CFAP61: variants seen among roughly 807,000 people sequenced by gnomAD.
CFAP61 encodes cilia- and flagella-associated protein 61.
In CFAP61, 107 loss-of-function variants were observed where a neutral mutation model predicts 135.6. The ratio of observed to expected loss-of-function variants is 0.79; its 90% CI spans 0.67 to 0.93. The LOEUF (loss-of-function observed/expected upper bound fraction) is 0.93. Among genes scored for constraint, CFAP61 ranks in the 40% least tolerant of loss-of-function variants. The pLI is 0.00. For synonymous variants in CFAP61, 575 were observed against 578.5 expected (o/e 0.99, Z 0.09); for missense variants, 1,507 against 1,556.2 (o/e 0.97, Z 0.53).
At chr20:20,073,240 G>A (rs532597362) in intron 3 of CFAP61, among the ~76,000 whole-genome samples, 1 of 152,350 alleles carries the variant, frequency 6.6e-6, no homozygotes, top group African/African-American at 2.4e-5. Context: ...TGAATACACA[G>A]CAAGTACTTG....
At position 20,192,861 on chromosome 20, in the gene CFAP61, A is replaced by T. The variant is rs528417297; in HGVS notation, c.1590+1442A>T. 2.0e-5 allele frequency among the ~76,000 whole-genome samples: 3 copies of T among 152,242 alleles called. No homozygotes were observed. The East Asian group carries it at 5.8e-4, about 29-fold the overall frequency. On this transcript the variant is annotated intron_variant, in intron 15 of 26. Transcript: ENST00000245957. ...ACTAGTGTTTGTATTTTGATCTTGT[A>T]TTCAATCACCTTTATGAAATATCTT...
chr20:20,314,119 C>T lies in CFAP61; in HGVS notation c.3422+15733C>T, dbSNP rs568792415. ...CAACATGAGAGCGAGTGCAGTGGCTCGTGCCTATAATTCCAGCACTTTGGG... is the reference window on the plus strand; with the variant it reads ...CAACATGAGAGCGAGTGCAGTGGCTTGTGCCTATAATTCCAGCACTTTGGG... On this transcript the variant is annotated intron_variant, in intron 25 of 26. Coordinates refer to ENST00000245957, the MANE Select transcript of CFAP61 (RefSeq NM_015585.4). Among the ~76,000 whole-genome samples the T allele has an allele frequency of 3.3e-5, 5 of 150,552 alleles. No individual in the cohort carries two copies. The East Asian group carries it at 5.9e-4, about 18-fold the overall frequency.
At chr20:20,098,929 C>T in intron 8 of CFAP61, 115 bp downstream of exon 8, 1 of 932,034 alleles carries the variant, frequency 1.1e-6, no homozygotes, top group East Asian at 2.7e-5. Context: ...TTCCCCAGTT[C>T]CCCTTAAGGA....
intron 18 of CFAP61, among the ~76,000 whole-genome samples, chr20:20,238,710 C>T (rs2049785760): frequency 6.6e-6 from 1 of 152,090 alleles, no homozygotes; most frequent in Non-Finnish European, 1.5e-5. Flanking sequence ...GCAATGTGAC[C>T]CTCTTTATTT....
At chr20:20,348,860 A>T (rs1201338840) in intron 26 of CFAP61, among the ~76,000 whole-genome samples, 1 of 151,176 alleles carries the variant, frequency 6.6e-6, no homozygotes, top group Admixed American at 6.6e-5. Context: ...AAGGATGTTT[A>T]TGAAAAACCC....
chr20:20,322,732 G>A (rs6046790), intron 25 of CFAP61: 445,571 of 984,616 alleles, frequency 0.45, 101,437 homozygotes, highest in African/African-American at 0.57. Flanking sequence ...GTGGCCTCTC[G>A]AGAACAGAAG....
At chr20:20,260,938 C>T (rs962841117) in intron 20 of CFAP61, among the ~76,000 whole-genome samples, 1 of 152,172 alleles carries the variant, frequency 6.6e-6, no homozygotes, top group Non-Finnish European at 1.5e-5. Context: ...TCAGACTTTT[C>T]GCCAAAGCCT....
At chr20:20,127,464 C>A (rs1319115438) in intron 8 of CFAP61, among the ~76,000 whole-genome samples, 3 of 151,712 alleles carry the variant, frequency 2.0e-5, no homozygotes, top group African/African-American at 7.3e-5. Context: ...TTCCTGTGAG[C>A]TGAACTACAG....
intron 13 of CFAP61, among the ~76,000 whole-genome samples, chr20:20,182,348 C>T (rs1187521268): frequency 6.6e-6 from 1 of 152,138 alleles, no homozygotes; most frequent in Non-Finnish European, 1.5e-5. Flanking sequence ...GTCTTAAAGT[C>T]ATTGTATTTT....
chr20:20,199,037 T>C (rs905784481), intron 16 of CFAP61, among the ~76,000 whole-genome samples: 1 of 152,216 alleles, frequency 6.6e-6, no homozygotes, highest in Non-Finnish European at 1.5e-5. Context: ...GATCACCATG[T>C]TTGGTTTTCT....
chr20:20,359,139 T>C lies in CFAP61; in HGVS notation c.3514-1071T>C, dbSNP rs1360075838. 6.6e-6 allele frequency among the ~76,000 whole-genome samples: 1 copy of C among 152,176 alleles called. No individual in the cohort carries two copies. The highest frequency in any genetic ancestry group is 1.9e-4 in the East Asian group (1 of 5,194). On this transcript the variant is annotated intron_variant, in intron 26 of 26. Coordinates refer to ENST00000245957, the MANE Select transcript of CFAP61 (RefSeq NM_015585.4). This position sits in a 1 kb window ranked among gnomAD's most constrained non-coding sequence, Gnocchi z 4.0. Reference sequence around the variant, plus strand: ...TTTTTATAATGAAATGTTAGGAAAATCTCTACTACACTGTACCTATGTGCA... The same window carrying C: ...TTTTTATAATGAAATGTTAGGAAAACCTCTACTACACTGTACCTATGTGCA...
chr20:20,056,599 T>C lies in CFAP61; in HGVS notation c.-36-19T>C. The C allele has an allele frequency of 1.9e-6, 3 of 1,571,656 alleles. No individual in the cohort carries two copies. Among genetic ancestry groups the C allele is most frequent in the Non-Finnish European group, 2.6e-6 (3 of 1,148,386 alleles). Reference sequence around the variant, plus strand: ...TGTGTGTATTATAACCAAACTGGCTTATCATATCAGATTAATAGTGGACTT... The same window carrying C: ...TGTGTGTATTATAACCAAACTGGCTCATCATATCAGATTAATAGTGGACTT... On this transcript the variant is annotated intron_variant, in intron 1 of 26. Transcript: ENST00000245957.
intron 18 of CFAP61, among the ~76,000 whole-genome samples, chr20:20,240,426 G>T (rs985781698): frequency 6.6e-6 from 1 of 152,150 alleles, no homozygotes; most frequent in African/African-American, 2.4e-5. Flanking sequence ...CCAGCTCTCA[G>T]TGTTTCCTCC....
intron 20 of CFAP61, chr20:20,253,965 TCCC>T (rs1352659392): frequency 2.8e-5 from 1 of 35,260 alleles, no homozygotes; most frequent in African/African-American, 1.3e-4. Flanking sequence ...TCCCCTCCCC[TCCC>T]CTCCCCTCCC....
chr20:20,230,647 C>G (rs1319850982), intron 18 of CFAP61, among the ~76,000 whole-genome samples: 3 of 152,136 alleles, frequency 2.0e-5, no homozygotes, highest in East Asian at 3.8e-4. Flanking sequence ...CCGCCTCCCC[C>G]CAGGTTCAAG....
At chr20:20,345,883 CTTTTTTTTTTTT>C (rs756813997) in intron 26 of CFAP61, among the ~76,000 whole-genome samples, 3 of 50,428 alleles carry the variant, frequency 5.9e-5, no homozygotes, top group Non-Finnish European at 1.0e-4. Context: ...GATTGTGCCA[CTTTTTTTTTTTT>C]TTTTTTTTTT....
chr20:20,095,974 C>T (rs1383978091), intron 7 of CFAP61, among the ~76,000 whole-genome samples: 1 of 152,144 alleles, frequency 6.6e-6, no homozygotes, highest in African/African-American at 2.4e-5. Context: ...CAATCTAAAC[C>T]TTATGTGTCA....
At chr20:20,175,641 C>T (rs2054572122) in intron 13 of CFAP61, among the ~76,000 whole-genome samples, 1 of 152,126 alleles carries the variant, frequency 6.6e-6, no homozygotes, top group African/African-American at 2.4e-5. Context: ...ATTCTCCTGC[C>T]TCAGCCTCCC....
chr20:20,198,967 C>T (rs904425001), intron 16 of CFAP61, among the ~76,000 whole-genome samples: 5 of 152,090 alleles, frequency 3.3e-5, no homozygotes, highest in Non-Finnish European at 7.4e-5. Flanking sequence ...TAAATGGTTA[C>T]GATGTCCTTA....
Sources: allele counts gnomAD v4.1 joint callset (sites outside exome capture counted in the v4.1 genomes callset), GRCh38; gene constraint gnomAD v4.1.1; non-coding constraint Gnocchi (gnomAD v3.1); transcripts MANE v1.5; gene names NCBI Gene and HGNC (gene_info 2026-07-23, HGNC 2026-07-21).